Variants in TARP observed in about 807,000 individuals in gnomAD.
At chr7:38,267,701 C>T in the TARP span, among the ~76,000 whole-genome samples, 1 of 150,486 alleles carries the variant, frequency 6.6e-6, no homozygotes, top group African/African-American at 2.5e-5. Context: ...TATTTCTCCA[C>T]CATATAGTTT....
the TARP span, among the ~76,000 whole-genome samples, chr7:38,268,349 A>C: frequency 6.6e-6 from 1 of 151,652 alleles, no homozygotes; most frequent in African/African-American, 2.4e-5. Context: ...TATCAACTAC[A>C]GTTTTTAGAG....
chr7:38,263,638 G>A, the TARP span, among the ~76,000 whole-genome samples: 1 of 150,096 alleles, frequency 6.7e-6, no homozygotes, highest in African/African-American at 2.5e-5. Flanking sequence ...ATTTATCTGT[G>A]ATGTTAAAAA....
At chr7:38,266,241 T>G in the TARP span, among the ~76,000 whole-genome samples, 1 of 151,824 alleles carries the variant, frequency 6.6e-6, no homozygotes, top group Non-Finnish European at 1.5e-5. Context: ...ACTCTTCATT[T>G]AACTGATTCT....
the TARP span, among the ~76,000 whole-genome samples, chr7:38,263,843 A>T: frequency 6.6e-6 from 1 of 151,764 alleles, no homozygotes; most frequent in Non-Finnish European, 1.5e-5. Flanking sequence ...GACTTGAGGT[A>T]TGGGTTTTGG....
the TARP span, among the ~76,000 whole-genome samples, chr7:38,267,220 A>G: frequency 2.0e-5 from 3 of 151,676 alleles, no homozygotes; most frequent in Admixed American, 2.0e-4. Context: ...TGTACATATA[A>G]TTGCTCTATT....
chr7:38,271,454 A>C, the TARP span, among the ~76,000 whole-genome samples: 9 of 151,480 alleles, frequency 5.9e-5, no homozygotes, highest in African/African-American at 2.2e-4. Context: ...ATGTTCTTCT[A>C]ATACTCTGCT....
At chr7:38,270,420 C>A in the TARP span, among the ~76,000 whole-genome samples, 1 of 151,348 alleles carries the variant, frequency 6.6e-6, no homozygotes, top group Non-Finnish European at 1.5e-5. Context: ...GCCTTACCTA[C>A]CGTGTTAAGA....
chr7:38,263,526 A>G, the TARP span, among the ~76,000 whole-genome samples: 1 of 151,528 alleles, frequency 6.6e-6, no homozygotes, highest in Admixed American at 6.6e-5. Flanking sequence ...GGTTGTTTTT[A>G]TTACAGGAGC....
At chr7:38,263,630 TTA>T in the TARP span, among the ~76,000 whole-genome samples, 1 of 151,334 alleles carries the variant, frequency 6.6e-6, no homozygotes. Context: ...AGAGTTGAAT[TTA>T]TCTGTGATGT....
chr7:38,269,243 A>G, the TARP span, among the ~76,000 whole-genome samples: 2 of 151,808 alleles, frequency 1.3e-5, no homozygotes, highest in Non-Finnish European at 2.9e-5. Flanking sequence ...AGATCATTTC[A>G]TACATTACAT....
the TARP span, among the ~76,000 whole-genome samples, chr7:38,263,628 A>T: frequency 1.3e-5 from 2 of 151,420 alleles, no homozygotes; most frequent in Non-Finnish European, 2.9e-5. Flanking sequence ...TGAGAGTTGA[A>T]TTTATCTGTG....
the TARP span, among the ~76,000 whole-genome samples, chr7:38,268,823 G>A: frequency 2.4e-4 from 36 of 151,490 alleles, no homozygotes; most frequent in East Asian, 5.8e-4. Flanking sequence ...CTGGAGAATT[G>A]CTGCTCTGTA....
chr7:38,264,793 C>T, the TARP span, among the ~76,000 whole-genome samples: 2 of 151,476 alleles, frequency 1.3e-5, no homozygotes, highest in African/African-American at 2.4e-5. Flanking sequence ...CCCTTTGTGT[C>T]TCAGCAAAGG....
chr7:38,261,771 C>A, the TARP span, among the ~76,000 whole-genome samples: 3 of 148,926 alleles, frequency 2.0e-5, no homozygotes, highest in Non-Finnish European at 4.4e-5. Flanking sequence ...ACTCGAGAAG[C>A]TGAGGCAGGA....
At chr7:38,270,073 G>C in the TARP span, among the ~76,000 whole-genome samples, 7 of 152,112 alleles carry the variant, frequency 4.6e-5, no homozygotes, top group East Asian at 7.7e-4. Flanking sequence ...CTGCACTCCT[G>C]CCTGGGCAAC....
the TARP span, among the ~76,000 whole-genome samples, chr7:38,261,240 T>G: frequency 6.6e-6 from 1 of 151,792 alleles, no homozygotes; most frequent in Non-Finnish European, 1.5e-5. Flanking sequence ...TCTTGCTATC[T>G]GACTCTATTG....
the TARP span, among the ~76,000 whole-genome samples, chr7:38,267,787 T>A: frequency 6.6e-6 from 1 of 151,390 alleles, no homozygotes; most frequent in Non-Finnish European, 1.5e-5. Flanking sequence ...AATTGTAGTC[T>A]CTAGTCAATA....
At chr7:38,271,929 G>C in the TARP span, among the ~76,000 whole-genome samples, 1 of 151,314 alleles carries the variant, frequency 6.6e-6, no homozygotes, top group African/African-American at 2.4e-5. Flanking sequence ...AAATGTTATA[G>C]GTAGACATTT....
the TARP span, among the ~76,000 whole-genome samples, chr7:38,261,647 G>A: frequency 1.3e-5 from 2 of 151,442 alleles, no homozygotes; most frequent in Non-Finnish European, 2.9e-5. Flanking sequence ...GGGCGAGGGG[G>A]CAGATCACGA....
Sources: allele counts gnomAD v4.1 joint callset (sites outside exome capture counted in the v4.1 genomes callset), GRCh38; gene constraint gnomAD v4.1.1; transcripts MANE v1.5.